The following DPP10 variants were observed in gnomAD, a reference collection of about 807,000 sequenced individuals.
DPP10 encodes the protein inactive dipeptidyl peptidase 10.
Under a neutral mutation model 120.9 loss-of-function variants are expected in DPP10, and 33 were observed. The observed-to-expected ratio is 0.27, with a 90% CI of 0.21 to 0.37. The LOEUF is 0.37. Ranked by LOEUF, DPP10 falls within the 10% of genes least tolerant of loss-of-function variation. DPP10 has a pLI of 1.00. For synonymous variants in DPP10, 337 were observed against 326.1 expected (o/e 1.03, Z -0.36); for missense variants, 816 against 942.8 (o/e 0.87, Z 1.76).
intron 19 of DPP10, among the ~76,000 whole-genome samples, chr2:115,805,218 G>A (rs540259483): frequency 3.3e-5 from 5 of 152,088 alleles, no homozygotes; most frequent in Non-Finnish European, 7.4e-5. Context: ...GTGGGCTTAG[G>A]ACCCTCCCAG....
chr2:115,418,744 G>T (rs1394178263), intron 3 of DPP10, among the ~76,000 whole-genome samples: 1 of 150,252 alleles, frequency 6.7e-6, no homozygotes, highest in Non-Finnish European at 1.5e-5. Flanking sequence ...CTGCATTCCA[G>T]CCTGGGTGAC....
intron 2 of DPP10, among the ~76,000 whole-genome samples, chr2:115,331,717 G>T (rs556467242): frequency 1.9e-4 from 29 of 152,272 alleles, no homozygotes; most frequent in Admixed American, 6.5e-4. Flanking sequence ...TTATATGATG[G>T]ATTATGTTTG....
chr2:114,872,964 G>A (rs1179654373), intron 1 of DPP10, among the ~76,000 whole-genome samples: 1 of 152,194 alleles, frequency 6.6e-6, no homozygotes. Context: ...CAACAAAGCT[G>A]TGAACTCTTT....
At chr2:115,045,845 A>G (rs1705022739) in intron 1 of DPP10, among the ~76,000 whole-genome samples, 2 of 152,060 alleles carry the variant, frequency 1.3e-5, no homozygotes, top group Non-Finnish European at 2.9e-5. Context: ...GGAGGGTTCT[A>G]TTTGGCCATG....
chr2:115,102,414 T>C (rs2048735401), intron 1 of DPP10, among the ~76,000 whole-genome samples: 1 of 151,938 alleles, frequency 6.6e-6, no homozygotes, highest in African/African-American at 2.4e-5. Context: ...TTTGTTTGTT[T>C]GTTTGTTTGT....
chr2:115,134,606 C>T (rs1391564615), intron 1 of DPP10, among the ~76,000 whole-genome samples: 1 of 152,074 alleles, frequency 6.6e-6, no homozygotes. Flanking sequence ...CATGCTACCT[C>T]CAATAGCTCA....
At chr2:114,691,823 G>T (rs1699768113) in intron 1 of DPP10, among the ~76,000 whole-genome samples, 3 of 151,914 alleles carry the variant, frequency 2.0e-5, no homozygotes, top group African/African-American at 7.2e-5. Context: ...GGATATATGT[G>T]TCCAGGAATT....
At chr2:115,225,636 C>G (rs2057398624) in intron 1 of DPP10, among the ~76,000 whole-genome samples, 1 of 151,604 alleles carries the variant, frequency 6.6e-6, no homozygotes, top group Non-Finnish European at 1.5e-5. Flanking sequence ...ATGAAGTTTC[C>G]TAGGGACATA....
At chr2:115,503,182 C>T (rs972557483) in intron 4 of DPP10, among the ~76,000 whole-genome samples, 2 of 151,974 alleles carry the variant, frequency 1.3e-5, no homozygotes, top group African/African-American at 2.4e-5. Context: ...ATGTTAGTTA[C>T]GTATTCATTG....
intron 5 of DPP10, 71 bp downstream of exon 5, chr2:115,526,043 C>G (rs1007673282): frequency 1.5e-6 from 2 of 1,329,578 alleles, no homozygotes; most frequent in East Asian, 2.4e-5. Flanking sequence ...TAATTTTACT[C>G]AGCTATAACT....
intron 17 of DPP10, among the ~76,000 whole-genome samples, chr2:115,785,248 A>T (rs541387553): frequency 6.0e-4 from 92 of 152,260 alleles, no homozygotes; most frequent in African/African-American, 2.1e-3. Flanking sequence ...GCTGAAGGGA[A>T]TCTTCACCCT....
intron 1 of DPP10, among the ~76,000 whole-genome samples, chr2:115,146,182 C>A (rs892350954): frequency 2.6e-5 from 4 of 152,060 alleles, no homozygotes; most frequent in Non-Finnish European, 5.9e-5. Flanking sequence ...ATACATTTTT[C>A]CTCAAAGTGT....
intron 1 of DPP10, among the ~76,000 whole-genome samples, chr2:114,843,876 C>G (rs1213176604): frequency 1.3e-5 from 2 of 152,098 alleles, no homozygotes; most frequent in Admixed American, 1.3e-4. Context: ...ATGTTTGTAG[C>G]CTATTTCATA....
At chr2:114,867,035 T>C (rs1336246063) in intron 1 of DPP10, among the ~76,000 whole-genome samples, 3 of 152,240 alleles carry the variant, frequency 2.0e-5, no homozygotes, top group Non-Finnish European at 4.4e-5. Flanking sequence ...TGAATTTCTG[T>C]TCTGTATTAA....
At chr2:115,456,272 G>T (rs540126546) in intron 3 of DPP10, among the ~76,000 whole-genome samples, 1 of 151,944 alleles carries the variant, frequency 6.6e-6, no homozygotes, top group Non-Finnish European at 1.5e-5. Flanking sequence ...ATCATCTCAC[G>T]CCAGTTAGAA....
intron 5 of DPP10, among the ~76,000 whole-genome samples, chr2:115,606,457 C>T (rs1021560538): frequency 2.0e-5 from 3 of 152,128 alleles, no homozygotes; most frequent in African/African-American, 7.2e-5. Context: ...TCCTGTGTAA[C>T]TTGTCACTGA....
chr2:114,834,874 A>G (rs9798030), intron 1 of DPP10, among the ~76,000 whole-genome samples: 73,956 of 116,672 alleles, frequency 0.63, 24,937 homozygotes, highest in Non-Finnish European at 0.73. Flanking sequence ...TAAAAGACAT[A>G]TCTACACAAC....
intron 1 of DPP10, among the ~76,000 whole-genome samples, chr2:115,142,413 C>T (rs773063676): frequency 6.6e-4 from 101 of 152,126 alleles, no homozygotes; most frequent in Admixed American, 2.0e-3. Context: ...AAGCAATGTG[C>T]GCTCATAGAT....
intron 1 of DPP10, among the ~76,000 whole-genome samples, chr2:114,983,819 C>T (rs1700235557): frequency 2.0e-5 from 3 of 152,140 alleles, no homozygotes; most frequent in Admixed American, 6.5e-5. Context: ...AGGTTGATCC[C>T]CTTATCATCC....
Sources: gnomAD v4.1 joint callset for allele counts (sites outside exome capture counted in the v4.1 genomes callset) on GRCh38, gnomAD v4.1.1 for gene constraint, MANE v1.5 for transcripts, NCBI Gene and HGNC (gene_info 2026-07-23, HGNC 2026-07-21) for gene names.